USP43: variants seen among roughly 807,000 people sequenced by gnomAD.
The protein encoded by USP43 is ubiquitin carboxyl-terminal hydrolase 43.
USP43 carries 33 observed loss-of-function variants against 90.7 expected under a neutral mutation model. That is an observed-to-expected ratio of 0.36 (90% CI 0.28 to 0.49). USP43 has a LOEUF of 0.49. Among genes scored for constraint, USP43 ranks in the 20% least tolerant of loss-of-function variants. The pLI, the probability that USP43 is intolerant of heterozygous loss-of-function variation, is 0.98. For missense variants in USP43, 1,274 were observed against 1,476.4 expected (o/e 0.86, Z 2.25); for synonymous variants, 598 against 615.8 (o/e 0.97, Z 0.43).
intron 14 of USP43, among the ~76,000 whole-genome samples, chr17:9,714,756 G>T (rs1162287962): frequency 6.6e-6 from 1 of 152,038 alleles, no homozygotes; most frequent in South Asian, 2.1e-4. Context: ...TTGAGCAAAG[G>T]TGGAGAGGCC....
rs750348771 is a variant in USP43, at chr17:9,700,236, T to C, written c.1522T>C (p.Ser508Pro). 2.5e-6 allele frequency: 4 copies of C among 1,600,744 alleles called. No homozygotes were observed. The highest frequency in any genetic ancestry group is 3.4e-6 in the Non-Finnish European group (4 of 1,173,974). ...HVKLAVEWDS[S>P]VKERLFGSLQ... ...CAAGCTGGCGGTGGAGTGGGATAGCTCTGTCAAGGAGCGGTGAGTTCAAGG... is the reference window on the plus strand; with the variant it reads ...CAAGCTGGCGGTGGAGTGGGATAGCCCTGTCAAGGAGCGGTGAGTTCAAGG... The change falls in exon 10 of 15, where the codon TCT becomes CCT. Residue 508 changes from serine (S) to proline (P), a missense_variant. By Grantham distance (74) the Ser-to-Pro change is moderately conservative. Coordinates refer to ENST00000285199, the MANE Select transcript of USP43 (RefSeq NM_153210.5).
chr17:9,709,815 A>G lies in USP43; in HGVS notation c.2012-141A>G. ...TTACTGATCTTTTCTGATTCCAAAA[A>G]AAATTCATTTCTGGCCAAAAATGGA... On this transcript the variant is annotated intron_variant, in intron 12 of 14. Transcript: ENST00000285199. The surrounding 1 kb of genome is among the most constrained non-coding windows in gnomAD (Gnocchi z 5.0). 1.1e-6 allele frequency: 1 copy of G among 876,758 alleles called. No homozygotes were observed. Among genetic ancestry groups the G allele is most frequent in the African/African-American group, 1.7e-5 (1 of 57,220 alleles). 54.3% of individuals were successfully genotyped at this position (876,758 alleles called of 1,614,324 possible).
At chr17:9,649,740 A>G (rs937793284) in intron 1 of USP43, among the ~76,000 whole-genome samples, 1 of 151,834 alleles carries the variant, frequency 6.6e-6, no homozygotes, top group African/African-American at 2.4e-5. Flanking sequence ...TTTAACCCCT[A>G]GAGATAACCA....
rs1210901607 is a variant in USP43, at chr17:9,656,505, G to A, written c.607G>A (p.Gly203Ser). ...LLDRVHEDLE[G>S]SSRGPVSEKL... ...GGATCGTGTACATGAGGACCTGGAG[G>A]GTTCATCCCGAGGGCCGGTGTCGGA... Residue 203 changes from glycine (G) to serine (S), a missense_variant, in exon 2 of 15, where the codon GGT (glycine) becomes AGT (serine). By Grantham distance (56) the Gly-to-Ser change is moderately conservative. Transcript: ENST00000285199. 4 of 1,611,178 alleles carry A rather than the reference G, an allele frequency of 2.5e-6. No homozygotes were observed. The East Asian group carries it at 8.9e-5, about 36-fold the overall frequency.
intron 14 of USP43, among the ~76,000 whole-genome samples, chr17:9,722,724 G>C (rs1470310511): frequency 6.6e-6 from 1 of 152,098 alleles, no homozygotes; most frequent in Non-Finnish European, 1.5e-5. Context: ...CACATCTGTT[G>C]TCACTCTTTT....
At chr17:9,711,433 T>C (rs1042461773) in intron 13 of USP43, among the ~76,000 whole-genome samples, 5 of 152,218 alleles carry the variant, frequency 3.3e-5, no homozygotes, top group African/African-American at 1.2e-4. Context: ...TGTTGTTTTG[T>C]TTTTTATTTT....
At chr17:9,682,323 T>G (rs1352056213) in intron 6 of USP43, among the ~76,000 whole-genome samples, 2 of 152,168 alleles carry the variant, frequency 1.3e-5, no homozygotes, top group African/African-American at 4.8e-5. Flanking sequence ...ATCCCAACAC[T>G]TTGGGAGGCC....
rs535767365 is a variant in USP43, at chr17:9,678,557, A to G, written c.970-1674A>G. ...GGGTTTCACCATGTTGGCCAGGATG[A>G]TCTCGATCTCTTGACCTTGTGATCT... is the stretch of plus-strand genomic sequence containing the variant. On this transcript the variant is annotated intron_variant, in intron 5 of 14. Coordinates refer to ENST00000285199, the MANE Select transcript of USP43 (RefSeq NM_153210.5). Among the ~76,000 whole-genome samples, 11 of 151,970 alleles carry G rather than the reference A, an allele frequency of 7.2e-5. No homozygotes were observed. In the East Asian group the frequency reaches 2.1e-3, roughly 30 times the overall value.
At chr17:9,654,255 A>T (rs1010069044) in intron 1 of USP43, among the ~76,000 whole-genome samples, 34 of 152,196 alleles carry the variant, frequency 2.2e-4, no homozygotes, top group African/African-American at 7.7e-4. Context: ...CTAAAAACAT[A>T]TTCATTGTTT....
At chr17:9,710,695 A>G (rs754614657) in intron 13 of USP43, among the ~76,000 whole-genome samples, 13 of 151,790 alleles carry the variant, frequency 8.6e-5, no homozygotes, top group African/African-American at 1.5e-4. Flanking sequence ...TTTAGCAGAG[A>G]CGGGGTTTCA....
chr17:9,723,901 G>A (rs1031519815), intron 14 of USP43, among the ~76,000 whole-genome samples: 13 of 152,064 alleles, frequency 8.5e-5, no homozygotes, highest in African/African-American at 2.4e-4. Context: ...GAGCCACCGC[G>A]CCCGGCTTCC....
At chr17:9,684,225 A>G (rs1401266556) in intron 7 of USP43, among the ~76,000 whole-genome samples, 1 of 152,160 alleles carries the variant, frequency 6.6e-6, no homozygotes, top group Non-Finnish European at 1.5e-5. Context: ...CTAGTTTAAC[A>G]TCAAAGTCAG....
chr17:9,645,498 G>A, upstream of USP43: 3 of 892,906 alleles, frequency 3.4e-6, no homozygotes, highest in Non-Finnish European at 4.2e-6. The surrounding 1 kb of genome is among the most constrained non-coding windows in gnomAD (Gnocchi z 6.8). Context: ...CCTTGGCTCC[G>A]CCTCCGCCCC....
chr17:9,646,231 T>C (rs1308218459), intron 1 of USP43, 95 bp downstream of exon 1: 1 of 1,345,150 alleles, frequency 7.4e-7, no homozygotes, highest in Non-Finnish European at 9.5e-7. Context: ...TGGGGCCTTC[T>C]TTAAATGCCG....
At chr17:9,716,090 CTGTGTGTG>C (rs928092778) in intron 14 of USP43, among the ~76,000 whole-genome samples, 1 of 141,750 alleles carries the variant, frequency 7.1e-6, no homozygotes, top group Admixed American at 6.8e-5. Context: ...GCCTGTATGT[CTGTGTGTG>C]TGTGTTTGTG....
intron 12 of USP43, among the ~76,000 whole-genome samples, chr17:9,702,246 G>T (rs1420867370): frequency 6.6e-6 from 1 of 152,130 alleles, no homozygotes; most frequent in African/African-American, 2.4e-5. Context: ...GCTTACACTT[G>T]TAGTCCTAGT....
At chr17:9,707,628 C>T (rs1411713346) in intron 12 of USP43, among the ~76,000 whole-genome samples, 3 of 130,038 alleles carry the variant, frequency 2.3e-5, no homozygotes, top group Non-Finnish European at 4.7e-5. Flanking sequence ...GCCTGGGCGA[C>T]AGACCGAGAC....
At chr17:9,683,158 A>G (rs983909951) in intron 7 of USP43, among the ~76,000 whole-genome samples, 200 bp downstream of exon 7, 1 of 152,232 alleles carries the variant, frequency 6.6e-6, no homozygotes, top group African/African-American at 2.4e-5. Flanking sequence ...ACCATCAGAC[A>G]TCAGAGGCCT....
chr17:9,677,846 C>T (rs149061403), intron 5 of USP43, among the ~76,000 whole-genome samples: 7 of 152,312 alleles, frequency 4.6e-5, no homozygotes, highest in East Asian at 1.9e-4. Flanking sequence ...GCTTTCTCTA[C>T]GTTCATAGCT....
Sources: gnomAD v4.1 joint callset for allele counts (sites outside exome capture counted in the v4.1 genomes callset) on GRCh38, gnomAD v4.1.1 for gene constraint, Gnocchi (gnomAD v3.1) non-coding constraint, MANE v1.5 for transcripts, NCBI Gene and HGNC (gene_info 2026-07-23, HGNC 2026-07-21) for gene names.